The following FAT1 variants were observed in gnomAD, a reference collection of about 807,000 sequenced individuals.
FAT1 encodes protocadherin Fat 1.
A neutral mutation model predicts 329.8 loss-of-function variants in FAT1; 171 were observed. The observed-to-expected ratio is 0.52, with a 90% CI of 0.46 to 0.59. The LOEUF is 0.59. Among genes scored for constraint, FAT1 ranks in the 20% least tolerant of loss-of-function variants. The pLI, the probability that FAT1 is intolerant of heterozygous loss-of-function variation, is 0.00. For synonymous variants in FAT1, 2,233 were observed against 2,228.6 expected (o/e 1.00, Z -0.06); for missense variants, 5,672 against 5,774.4 (o/e 0.98, Z 0.57).
At chr4:186,594,678 A>ATATATATATATATATATATACTTGAAAG (rs1312684893) in intron 26 of FAT1, among the ~76,000 whole-genome samples, 191 of 82,006 alleles carry the variant, frequency 2.3e-3, no homozygotes, top group African/African-American at 9.9e-3. Flanking sequence ...ACTTGAAAGT[A>ATATATATATATATATATATACTTGAAAG]TATATATATA....
intron 3 of FAT1, among the ~76,000 whole-genome samples, chr4:186,652,354 A>G (rs1227795745): frequency 1.3e-5 from 2 of 152,222 alleles, no homozygotes; most frequent in African/African-American, 2.4e-5. Flanking sequence ...AATCTTAACT[A>G]TAATTTTAGC....
intron 22 of FAT1, among the ~76,000 whole-genome samples, chr4:186,599,572 G>A (rs1319234525): frequency 6.6e-6 from 1 of 152,140 alleles, no homozygotes; most frequent in Non-Finnish European, 1.5e-5. Flanking sequence ...AGGGCTAAGC[G>A]GTACGAATTC....
chr4:186,645,415 AT>A lies in FAT1; in HGVS notation c.3581-5633del, dbSNP rs1428198385. 2.6e-3 allele frequency among the ~76,000 whole-genome samples: 184 copies of A among 70,730 alleles called. 7 individuals are homozygous for A. Among genetic ancestry groups the A allele is most frequent in the African/African-American group, 9.8e-3 (167 of 17,122 alleles). The allele number at this position is 70,730 out of a possible 152,430, so 46.4% of individuals were successfully genotyped here. ...TATATATATATATATATATATATAT[AT>A]ATATATGCCTGTAAAAAACTGAGAT... is the stretch of plus-strand genomic sequence containing the variant. On this transcript the variant is annotated intron_variant, in intron 3 of 26. Coordinates refer to ENST00000441802, the MANE Select transcript of FAT1 (RefSeq NM_005245.4).
chr4:186,713,653 T>C (rs1254448533), intron 1 of FAT1, among the ~76,000 whole-genome samples: 1 of 152,188 alleles, frequency 6.6e-6, no homozygotes, highest in Non-Finnish European at 1.5e-5. Context: ...TCCATTTATT[T>C]ATTCAATTTT....
chr4:186,635,991 C>T (rs2126560720), intron 6 of FAT1, 34 bp downstream of exon 6: 1 of 1,590,914 alleles, frequency 6.3e-7, no homozygotes, highest in South Asian at 1.1e-5. Flanking sequence ...CAGTGTAACC[C>T]ATACGGACAA....
intron 1 of FAT1, among the ~76,000 whole-genome samples, chr4:186,722,985 C>A (rs1374591059): frequency 6.6e-6 from 1 of 152,106 alleles, no homozygotes; most frequent in African/African-American, 2.4e-5. Flanking sequence ...CCTTGCAATT[C>A]ACATCAGCGG....
intron 14 of FAT1, among the ~76,000 whole-genome samples, chr4:186,610,329 G>A (rs765434955): frequency 2.6e-5 from 4 of 151,510 alleles, no homozygotes; most frequent in African/African-American, 7.3e-5. Context: ...TAGCTCACTC[G>A]ACTTCACTCT....
chr4:186,603,487 A>C lies in FAT1; in HGVS notation c.11039T>G (p.Ile3680Ser), dbSNP rs2126428942. The change falls in exon 19 of 27, where the codon ATT becomes AGT. Residue 3680 changes from isoleucine to serine, a missense_variant. Ile to Ser is a moderately radical substitution (Grantham distance 142). Around this residue, in one of 2 missense-constraint regions of FAT1, gnomAD observed 1,706 missense variants for 1,859.1 expected, o/e 0.92. Transcript: ENST00000441802. ...ILGVRRNDIQIVSLQSSEPHP... is the reference protein window; with the variant it reads ...ILGVRRNDIQSVSLQSSEPHP... ...AGGTTCAGAGGACTGCAAACTAACA[A>C]TCTGTATGTCGTTCCTCCTCACACC... 6.2e-7 allele frequency: 1 copy of C among 1,613,972 alleles called. No individual in the cohort carries two copies. Among genetic ancestry groups the C allele is most frequent in the Non-Finnish European group, 8.5e-7 (1 of 1,179,876 alleles).
rs746336938 is a variant in FAT1, at chr4:186,606,051, C to T, written c.10350+19G>A. 10 of 1,610,680 alleles carry T rather than the reference C, an allele frequency of 6.2e-6. No individual in the cohort carries two copies. The South Asian group carries it at 9.9e-5, about 16-fold the overall frequency. Reference sequence around the variant, plus strand: ...TCATTTCAAAGAACCCCAGGACCACCTTGGCACTCGAAGCCCACCTGGATA... The same window carrying T: ...TCATTTCAAAGAACCCCAGGACCACTTTGGCACTCGAAGCCCACCTGGATA... On this transcript the variant is annotated intron_variant, in intron 17 of 26. Transcript: ENST00000441802.
At chr4:186,627,998 C>T in intron 9 of FAT1, 156 bp downstream of exon 9, 1 of 827,816 alleles carries the variant, frequency 1.2e-6, no homozygotes, top group Non-Finnish European at 1.8e-6. Context: ...AAAAAAATTC[C>T]TTTCTCCTAA....
Position 186,709,345 on chromosome 4 carries a change from G to C in FAT1, c.483C>G (p.Asn161Lys), listed in dbSNP as rs752074312. Residue 161 changes from asparagine to lysine, a missense_variant, in exon 2 of 27, where the codon AAC becomes AAG. This residue lies in a region of FAT1 where 3,966 missense variants were observed against 3,915.2 expected (regional missense o/e 1.01). Coordinates refer to ENST00000441802, the MANE Select transcript of FAT1 (RefSeq NM_005245.4). ...TTGCGATACTGGTCCTTATAGCTGT[G>C]TTTTCAGGTAAAGAAACGCTGTATG... ...PTSYSVSLPE[N>K]TAIRTSIARV... 8.1e-6 allele frequency: 13 copies of C among 1,613,854 alleles called. No homozygotes were observed. The highest frequency in any genetic ancestry group is 1.1e-5 in the Non-Finnish European group (13 of 1,179,904).
At chr4:186,683,923 G>A (rs1297444280) in intron 2 of FAT1, among the ~76,000 whole-genome samples, 5 of 152,004 alleles carry the variant, frequency 3.3e-5, no homozygotes, top group African/African-American at 4.8e-5. Flanking sequence ...AACATTGCAT[G>A]TAATAGTTAA....
intron 3 of FAT1, among the ~76,000 whole-genome samples, chr4:186,658,833 G>T (rs1742034371): frequency 6.6e-6 from 1 of 151,898 alleles, no homozygotes. Context: ...GACCCGTGAG[G>T]GCCCCTGCCA....
chr4:186,706,360 C>T (rs1002414622), intron 2 of FAT1, among the ~76,000 whole-genome samples: 1 of 152,042 alleles, frequency 6.6e-6, no homozygotes, highest in South Asian at 2.1e-4. Context: ...TCACTCAGGC[C>T]CTTTTGTTTC....
chr4:186,714,118 T>TA (rs1330289302), intron 1 of FAT1, among the ~76,000 whole-genome samples: 1 of 151,854 alleles, frequency 6.6e-6, no homozygotes, highest in Non-Finnish European at 1.5e-5. Flanking sequence ...ACGGTCTCAG[T>TA]AAAATGGAAA....
rs35884817 is a variant in FAT1 at position 186,609,577 on chromosome 4, T to C, written c.10068+224A>G. 0.22 allele frequency among the ~76,000 whole-genome samples: 32,783 copies of C among 152,074 alleles called. 4,481 individuals carry two copies. Among genetic ancestry groups the C allele is most frequent in the Non-Finnish European group, 0.31 (21,021 of 67,954 alleles). ...GACTACAGGCGCCCGCCACCACGCC[T>C]GGCTAATTTTTTTTTGTATTTTTAG... is the stretch of plus-strand genomic sequence containing the variant. On this transcript the variant is annotated intron_variant, in intron 15 of 26. Transcript: ENST00000441802.
chr4:186,603,109 A>G (rs1429267265), intron 19 of FAT1, 67 bp downstream of exon 19: 4 of 1,609,670 alleles, frequency 2.5e-6, no homozygotes, highest in African/African-American at 1.3e-5. Flanking sequence ...ATGTATAGCC[A>G]TCAAAGGCTT....
chr4:186,660,120 G>A (rs1742100122), intron 3 of FAT1, among the ~76,000 whole-genome samples: 1 of 152,180 alleles, frequency 6.6e-6, no homozygotes, highest in Admixed American at 6.5e-5. Context: ...TAATCATTAA[G>A]TAACACGATT....
intron 6 of FAT1, among the ~76,000 whole-genome samples, chr4:186,634,533 A>G (rs1740740056): frequency 6.6e-6 from 1 of 152,226 alleles, no homozygotes; most frequent in Non-Finnish European, 1.5e-5. Context: ...TCTTAAGAGA[A>G]ACCTAAAACC....
Sources: allele counts gnomAD v4.1 joint callset (sites outside exome capture counted in the v4.1 genomes callset), GRCh38; gene constraint gnomAD v4.1.1; regional missense constraint gnomAD v4.1.1; transcripts MANE v1.5; gene names NCBI Gene and HGNC (gene_info 2026-07-23, HGNC 2026-07-21).